Variants in ACSS3 observed in about 807,000 individuals in gnomAD.
ACSS3 encodes acyl-CoA synthetase short-chain family member 3, mitochondrial.
ACSS3 carries 64 observed loss-of-function variants against 84.2 expected under a neutral mutation model. The observed-to-expected ratio is 0.76, with a 90% CI of 0.62 to 0.94. The LOEUF (loss-of-function observed/expected upper bound fraction) is 0.94. ACSS3 is among the 40% of genes least tolerant of loss of function. ACSS3 has a pLI of 0.00. For synonymous variants in ACSS3, 317 were observed against 310.1 expected, an observed-to-expected ratio of 1.02 and a Z score of -0.23; for missense variants, 815 against 867.6, an observed-to-expected ratio of 0.94 and a Z score of 0.76.
intron 7 of ACSS3, among the ~76,000 whole-genome samples, chr12:81,153,443 G>A: frequency 6.6e-6 from 1 of 151,846 alleles, no homozygotes; most frequent in Admixed American, 6.6e-5. Context: ...ATTGGGAATG[G>A]CTAGTCTGAC....
intron 7 of ACSS3, among the ~76,000 whole-genome samples, chr12:81,160,867 G>A (rs1277603054): frequency 1.3e-5 from 2 of 151,994 alleles, no homozygotes; most frequent in Non-Finnish European, 2.9e-5. Flanking sequence ...TAATTGTGTG[G>A]CCTCAAGCTG....
intron 13 of ACSS3, among the ~76,000 whole-genome samples, chr12:81,245,727 G>A (rs1448144546): frequency 6.6e-6 from 1 of 152,066 alleles, no homozygotes; most frequent in African/African-American, 2.4e-5. Context: ...CTACAGTTTT[G>A]GGGGAGTGGT....
chr12:81,217,617 C>T (rs779021320), intron 10 of ACSS3, among the ~76,000 whole-genome samples: 9 of 152,178 alleles, frequency 5.9e-5, no homozygotes, highest in East Asian at 3.9e-4. Flanking sequence ...CCAAGGCAGA[C>T]GGATCACATG....
chr12:81,205,886 C>T (rs966003500), intron 9 of ACSS3, among the ~76,000 whole-genome samples: 3 of 152,028 alleles, frequency 2.0e-5, no homozygotes, highest in South Asian at 2.1e-4. Flanking sequence ...TGACTTTCTT[C>T]GAATTTACTT....
At chr12:81,208,246 C>A (rs1376678828) in intron 9 of ACSS3, among the ~76,000 whole-genome samples, 1 of 152,160 alleles carries the variant, frequency 6.6e-6, no homozygotes, top group Non-Finnish European at 1.5e-5. Flanking sequence ...CCACTCGCAG[C>A]ATGGACTACC....
chr12:81,117,495 A>G (rs571094343), intron 2 of ACSS3, among the ~76,000 whole-genome samples: 1 of 152,272 alleles, frequency 6.6e-6, no homozygotes, highest in African/African-American at 2.4e-5. Flanking sequence ...CTATGTGAAT[A>G]TTTGAGTGAA....
chr12:81,255,054 C>A lies in ACSS3; in HGVS notation c.*132C>A. The A allele has an allele frequency of 1.1e-6, 1 of 879,708 alleles. No individual in the cohort carries two copies. 54.5% of individuals were successfully genotyped at this position (879,708 alleles called of 1,614,324 possible). Reference sequence around the variant, plus strand: ...ATGAAATGTGAATTGTAAAACTTGGCCTAAACAAATCTAATGAAAACATGT... The same window carrying A: ...ATGAAATGTGAATTGTAAAACTTGGACTAAACAAATCTAATGAAAACATGT... On this transcript the variant is annotated 3_prime_UTR_variant, in exon 16 of 16. Coordinates refer to ENST00000548058, the MANE Select transcript of ACSS3 (RefSeq NM_024560.4).
chr12:81,085,263 G>C (rs1189835509), intron 1 of ACSS3, among the ~76,000 whole-genome samples: 1 of 152,204 alleles, frequency 6.6e-6, no homozygotes, highest in Non-Finnish European at 1.5e-5. Context: ...TTGGTATAAA[G>C]AGTACTCAGT....
chr12:81,180,489 A>G (rs1008931470), intron 8 of ACSS3, among the ~76,000 whole-genome samples: 1 of 152,146 alleles, frequency 6.6e-6, no homozygotes, highest in African/African-American at 2.4e-5. Flanking sequence ...CTATCCATCT[A>G]TGTATCTATC....
rs1885863267 is a variant in ACSS3, at chr12:81,137,358, CACACA to C, written c.646-1772_646-1768del. 7.4e-5 allele frequency among the ~76,000 whole-genome samples: 11 copies of C among 147,870 alleles called. No homozygotes were observed. In the Admixed American group the frequency reaches 7.4e-4, roughly 10 times the overall value. ...ACACACACACACACACACACACACA[CACACA>C]CCCCTAATACTCCTTTGTTAAGGGG... is the stretch of plus-strand genomic sequence containing the variant. On this transcript the variant is annotated intron_variant, in intron 3 of 15. Transcript: ENST00000548058.
intron 9 of ACSS3, among the ~76,000 whole-genome samples, chr12:81,200,472 A>G (rs1252755933): frequency 6.6e-6 from 1 of 152,224 alleles, no homozygotes; most frequent in Non-Finnish European, 1.5e-5. Flanking sequence ...GATTGTAAAA[A>G]TGATTTTCAT....
chr12:81,213,901 TGTCC>T (rs71098132), intron 9 of ACSS3, among the ~76,000 whole-genome samples: 39,343 of 72,320 alleles, frequency 0.54, 11,966 homozygotes, highest in Non-Finnish European at 0.64. Flanking sequence ...TTCTTTCTTT[TGTCC>T]TTCCTTCCTT....
At chr12:81,220,989 C>A (rs1380999266) in intron 11 of ACSS3, among the ~76,000 whole-genome samples, 1 of 152,002 alleles carries the variant, frequency 6.6e-6, no homozygotes, top group Non-Finnish European at 1.5e-5. Context: ...CAAACAGTAT[C>A]ATCTTATAAA....
At chr12:81,120,025 A>G (rs1884442127) in intron 2 of ACSS3, among the ~76,000 whole-genome samples, 1 of 152,170 alleles carries the variant, frequency 6.6e-6, no homozygotes, top group Non-Finnish European at 1.5e-5. Context: ...ACTTCCCACA[A>G]CACTTCACTG....
intron 1 of ACSS3, chr12:81,094,658 G>A (rs1409634324): frequency 6.6e-6 from 1 of 152,210 alleles, no homozygotes; most frequent in Non-Finnish European, 1.5e-5. Context: ...TATGCTCTCT[G>A]CCTTCTGGGA....
intron 2 of ACSS3, chr12:81,125,902 A>T (rs570589724): frequency 1.3e-5 from 2 of 152,296 alleles, no homozygotes; most frequent in Admixed American, 6.5e-5. Context: ...AAGCTTATTT[A>T]TTTTTACCCC....
intron 2 of ACSS3, chr12:81,117,914 A>G (rs777216222): frequency 6.6e-6 from 1 of 152,154 alleles, no homozygotes; most frequent in Non-Finnish European, 1.5e-5. Flanking sequence ...ATCCCTGGCT[A>G]CATCCAGTGT....
chr12:81,231,886 C>G (rs1030551859), intron 12 of ACSS3, among the ~76,000 whole-genome samples: 1 of 151,550 alleles, frequency 6.6e-6, no homozygotes, highest in Admixed American at 6.6e-5. Flanking sequence ...ACCGCCTAAC[C>G]CCAACAGGGA....
At chr12:81,161,768 C>T (rs1238337409) in intron 7 of ACSS3, among the ~76,000 whole-genome samples, 1 of 152,132 alleles carries the variant, frequency 6.6e-6, no homozygotes, top group African/African-American at 2.4e-5. Context: ...CCATGCCTGC[C>T]AAGGGCAAGC....
Sources: allele counts gnomAD v4.1 joint callset (sites outside exome capture counted in the v4.1 genomes callset), GRCh38; gene constraint gnomAD v4.1.1; transcripts MANE v1.5; gene names NCBI Gene and HGNC (gene_info 2026-07-23, HGNC 2026-07-21).